ADAMTS5: variants seen among roughly 807,000 people sequenced by gnomAD.
The protein encoded by ADAMTS5 is A disintegrin and metalloproteinase with thrombospondin motifs 5.
Under a neutral mutation model 81.4 loss-of-function variants are expected in ADAMTS5, and 54 were observed. The ratio of observed to expected loss-of-function variants is 0.66; its 90% CI spans 0.53 to 0.83. The LOEUF (loss-of-function observed/expected upper bound fraction) is 0.83. Ranked by LOEUF, ADAMTS5 falls within the 40% of genes least tolerant of loss-of-function variation. The pLI is 0.00. For synonymous variants in ADAMTS5, 532 were observed against 508.8 expected (o/e 1.05, Z -0.61); for missense variants, 1,194 against 1,229.9 (o/e 0.97, Z 0.44).
intron 3 of ADAMTS5, among the ~76,000 whole-genome samples, chr21:26,941,696 C>T (rs903894351): frequency 2.6e-5 from 4 of 152,050 alleles, no homozygotes; most frequent in African/African-American, 9.7e-5. Flanking sequence ...AGCTCAACTT[C>T]TTGGAATGTG....
In ADAMTS5 at chr21:26,918,927, A is replaced by T. The variant is rs1423773653; in HGVS notation, c.*5126T>A. Reference sequence around the variant, plus strand: ...GCCTGATGCTCCTCAAATTTTAATGACCCCTTAAATGTCCTCAGATGCACA... The same window carrying T: ...GCCTGATGCTCCTCAAATTTTAATGTCCCCTTAAATGTCCTCAGATGCACA... On this transcript the variant is annotated 3_prime_UTR_variant, in exon 8 of 8. Transcript: ENST00000284987. 6.6e-6 allele frequency: 1 copy of T among 151,890 alleles called. No homozygotes were observed. The highest frequency in any genetic ancestry group is 2.4e-5 in the African/African-American group (1 of 41,374). 9.4% of individuals were successfully genotyped at this position (151,890 alleles called of 1,614,324 possible).
chr21:26,949,427 A>G lies in ADAMTS5; in HGVS notation c.1237+5312T>C, dbSNP rs145264642. On this transcript the variant is annotated intron_variant, in intron 2 of 7. Transcript: ENST00000284987. ...AGAGACAGGGTCTCACTATGATGCC[A>G]GGGCTTGTCTCAAACTGTTGGGATT... Among the ~76,000 whole-genome samples, 657 of 152,122 alleles carry G rather than the reference A, an allele frequency of 4.3e-3. 7 individuals carry two copies. Among genetic ancestry groups the G allele is most frequent in the East Asian group, 0.014 (71 of 5,176 alleles).
chr21:26,965,739 G>A lies in ADAMTS5; in HGVS notation c.653C>T (p.Ala218Val), dbSNP rs1231598949. Reference protein sequence around the residue: ...SCETPASTPEAHEHAPAHSNP... With the variant: ...SCETPASTPEVHEHAPAHSNP... Reference sequence around the variant, plus strand: ...GCTGTGCGCCGGAGCATGCTCGTGGGCCTCCGGTGTGGACGCGGGGGTTTC... The same window carrying A: ...GCTGTGCGCCGGAGCATGCTCGTGGACCTCCGGTGTGGACGCGGGGGTTTC... Residue 218 changes from alanine (A) to valine (V), a missense_variant, in exon 1 of 8, where the codon GCC becomes GTC. Coordinates refer to ENST00000284987, the MANE Select transcript of ADAMTS5 (RefSeq NM_007038.5). The A allele has an allele frequency of 1.3e-6, 2 of 1,594,328 alleles. No homozygotes were observed. The highest frequency in any genetic ancestry group is 1.7e-6 in the Non-Finnish European group (2 of 1,171,558).
intron 2 of ADAMTS5, among the ~76,000 whole-genome samples, chr21:26,953,729 G>C (rs1158037848): frequency 2.0e-5 from 3 of 152,060 alleles, no homozygotes; most frequent in Non-Finnish European, 4.4e-5. Context: ...ATGCTGAGTT[G>C]ATACATACAT....
At position 26,966,085 on chromosome 21, in the gene ADAMTS5, C is replaced by T. The variant is rs771549677; in HGVS notation, c.307G>A (p.Glu103Lys). The change falls in exon 1 of 8, where the codon GAG becomes AAG. Residue 103 changes from glutamate (E) to lysine (K), a missense_variant. Glu to Lys is a moderately conservative substitution (Grantham distance 56, BLOSUM62 1). This residue lies in a region of ADAMTS5 where 498 missense variants were observed against 412.3 expected (regional missense o/e 1.21). Transcript: ENST00000284987. ...GCAATGCCCACCGAACCATCTCGCT[C>T]CAGGTCCAAGAGGAACCTCCGGCCG... is the stretch of plus-strand genomic sequence containing the variant. Reference protein sequence around the residue: ...AGGRRFLLDLERDGSVGIAGF... With the variant: ...AGGRRFLLDLKRDGSVGIAGF... 2 of 1,612,888 alleles carry T rather than the reference C, an allele frequency of 1.2e-6. No homozygotes were observed. Among genetic ancestry groups the T allele is most frequent in the South Asian group, 1.1e-5 (1 of 91,090 alleles).
chr21:26,939,341 G>A (rs1430858937), intron 3 of ADAMTS5, among the ~76,000 whole-genome samples: 1 of 152,160 alleles, frequency 6.6e-6, no homozygotes, highest in East Asian at 1.9e-4. Context: ...ATAAGTCACC[G>A]TGGCCTTAAA....
intron 2 of ADAMTS5, 104 bp downstream of exon 2, chr21:26,954,635 T>C: frequency 6.6e-7 from 1 of 1,518,656 alleles, no homozygotes; most frequent in South Asian, 1.3e-5. Context: ...CAGTGGTACA[T>C]CTGAACCAGG....
intron 1 of ADAMTS5, among the ~76,000 whole-genome samples, chr21:26,958,952 G>A (rs1987477147): frequency 6.6e-6 from 1 of 152,324 alleles, no homozygotes; most frequent in Non-Finnish European, 1.5e-5. Context: ...ATAATGGAAT[G>A]GGAAAAGGCA....
At chr21:26,925,288 G>T (rs893075691) in intron 7 of ADAMTS5, among the ~76,000 whole-genome samples, 28 of 152,104 alleles carry the variant, frequency 1.8e-4, no homozygotes, top group African/African-American at 6.5e-4. Context: ...GATTTGGTGG[G>T]ACAGGCCATA....
At chr21:26,939,083 T>C (rs1987068190) in intron 3 of ADAMTS5, among the ~76,000 whole-genome samples, 1 of 152,214 alleles carries the variant, frequency 6.6e-6, no homozygotes, top group Non-Finnish European at 1.5e-5. Context: ...AGGTCTTTAC[T>C]TGAATGTCTA....
Position 26,965,971 on chromosome 21 carries a change from G to T in ADAMTS5, c.421C>A (p.Arg141Ser). The change falls in exon 1 of 8, where the codon CGC (arginine) becomes AGC (serine). Residue 141 changes from arginine (R) to serine (S), a missense_variant. By Grantham distance (110) the Arg-to-Ser change is moderately radical. Transcript: ENST00000284987. ...FYRGTVDGSP[R>S]SLAVFDLCGG... ...CAGAGGTCAAAGACAGCCAGAGAGC[G>T]GGGACTACCGTCCACTGTGCCCCGA... 4 of 1,613,268 alleles carry T rather than the reference G, an allele frequency of 2.5e-6. No homozygotes were observed. The highest frequency in any genetic ancestry group is 2.2e-5 in the East Asian group (1 of 44,858).
chr21:26,932,758 A>G, intron 5 of ADAMTS5, 103 bp downstream of exon 5: 1 of 1,265,192 alleles, frequency 7.9e-7, no homozygotes, highest in Non-Finnish European at 1.1e-6. Flanking sequence ...GGAACTGTGC[A>G]GTATAAGATT....
chr21:26,947,786 G>T (rs1263160409), intron 2 of ADAMTS5, among the ~76,000 whole-genome samples: 1 of 152,158 alleles, frequency 6.6e-6, no homozygotes, highest in Non-Finnish European at 1.5e-5. Flanking sequence ...GGTGTAAATT[G>T]TGTTAGATGA....
intron 2 of ADAMTS5, among the ~76,000 whole-genome samples, chr21:26,947,793 A>G (rs1204018414): frequency 6.6e-6 from 1 of 152,202 alleles, no homozygotes; most frequent in Non-Finnish European, 1.5e-5. Flanking sequence ...ATTGTGTTAG[A>G]TGATGTTGAC....
At chr21:26,929,455 A>C (rs1046008049) in intron 7 of ADAMTS5, among the ~76,000 whole-genome samples, 7 of 152,212 alleles carry the variant, frequency 4.6e-5, no homozygotes, top group Non-Finnish European at 7.3e-5. Context: ...ATGAACTTAC[A>C]TTTTGCAAGG....
At chr21:26,934,392 G>A in intron 4 of ADAMTS5, 74 bp downstream of exon 4, 2 of 1,567,544 alleles carry the variant, frequency 1.3e-6, no homozygotes, top group Non-Finnish European at 1.7e-6. Context: ...TCTGAGAACA[G>A]TGCCCATACC....
chr21:26,938,123 C>G (rs560354477), intron 3 of ADAMTS5, among the ~76,000 whole-genome samples: 1 of 151,932 alleles, frequency 6.6e-6, no homozygotes, highest in South Asian at 2.1e-4. Flanking sequence ...GCCTGTAGTC[C>G]CAGCTACTCG....
At chr21:26,955,794 T>C (rs1042071765) in intron 1 of ADAMTS5, among the ~76,000 whole-genome samples, 1 of 152,190 alleles carries the variant, frequency 6.6e-6, no homozygotes, top group African/African-American at 2.4e-5. Context: ...CAATTTTCCA[T>C]GAAAATTTAC....
At chr21:26,929,641 A>G (rs1244750224) in intron 7 of ADAMTS5, among the ~76,000 whole-genome samples, 7 of 152,096 alleles carry the variant, frequency 4.6e-5, no homozygotes, top group Admixed American at 4.6e-4. Context: ...TGACTCTACA[A>G]GCTATTGATT....
Sources: gnomAD v4.1 joint callset for allele counts (sites outside exome capture counted in the v4.1 genomes callset) on GRCh38, gnomAD v4.1.1 for gene constraint, gnomAD v4.1.1 regional missense constraint, MANE v1.5 for transcripts, NCBI Gene and HGNC (gene_info 2026-07-23, HGNC 2026-07-21) for gene names.